KMT2A: variants seen among roughly 807,000 people sequenced by gnomAD.
The protein encoded by KMT2A is lysine methyltransferase 2A.
In KMT2A, 16 loss-of-function variants were observed where a neutral mutation model predicts 345.3. The ratio of observed to expected loss-of-function variants is 0.05; its 90% confidence interval spans 0.03 to 0.07. The LOEUF (loss-of-function observed/expected upper bound fraction) is 0.07, where lower values mean the gene tolerates loss of function less well. KMT2A is among the 10% of genes least tolerant of loss of function. KMT2A has a pLI of 1.00. For synonymous variants in KMT2A, 1,599 were observed against 1,778.6 expected (o/e 0.90, Z 2.54); for missense variants, 3,272 against 4,841.6 (o/e 0.68, Z 9.62).
chr11:118,513,008 G>A (rs1312992190), intron 31 of KMT2A, among the ~76,000 whole-genome samples: 1 of 152,040 alleles, frequency 6.6e-6, no homozygotes, highest in African/African-American at 2.4e-5. Flanking sequence ...GGTGACCAAG[G>A]CAGAAGGATC....
Position 118,472,012 on chromosome 11 carries a change from T to C in KMT2A, c.853T>C (p.Phe285Leu). ...TAAACTCTCTCCTCTCAAGTCTAAG[T>C]TTAAGACAGGGAAGCTTCAAATAGG... ...AGKLSPLKSK[F>L]KTGKLQIGRK... Residue 285 changes from phenylalanine to leucine, a missense_variant, in exon 3 of 36, where the codon TTT (phenylalanine) becomes CTT (leucine). This residue lies in a region of KMT2A where 412 missense variants were observed against 511.0 expected (regional missense o/e 0.81). Coordinates refer to ENST00000534358, the MANE Select transcript of KMT2A (RefSeq NM_001197104.2). The C allele has an allele frequency of 6.2e-7, 1 of 1,613,698 alleles. No individual in the cohort carries two copies.
At chr11:118,439,758 G>C (rs896800581) in intron 1 of KMT2A, among the ~76,000 whole-genome samples, 1 of 152,154 alleles carries the variant, frequency 6.6e-6, no homozygotes, top group Non-Finnish European at 1.5e-5. Context: ...AAGAGTGGTT[G>C]ACTCCTTACA....
intron 27 of KMT2A, 82 bp from the exon 28 acceptor site, chr11:118,507,447 C>A: frequency 8.4e-7 from 1 of 1,183,604 alleles, no homozygotes; most frequent in Non-Finnish European, 1.2e-6. Context: ...CCTGATAGAG[C>A]CATTTCTTTC....
At chr11:118,462,702 GC>G (rs1347946429) in intron 1 of KMT2A, among the ~76,000 whole-genome samples, 1 of 152,144 alleles carries the variant, frequency 6.6e-6, no homozygotes, top group Non-Finnish European at 1.5e-5. Flanking sequence ...GGGACTACAG[GC>G]GCCCGCCATC....
intron 1 of KMT2A, among the ~76,000 whole-genome samples, chr11:118,444,074 T>C (rs1344968549): frequency 1.3e-5 from 2 of 152,238 alleles, no homozygotes; most frequent in East Asian, 3.8e-4. Context: ...CTTTCTGTCT[T>C]GAATTAGGAG....
chr11:118,507,433 A>G, intron 27 of KMT2A, 96 bp from the exon 28 acceptor site: 1 of 1,056,788 alleles, frequency 9.5e-7, no homozygotes, highest in Non-Finnish European at 1.4e-6. Flanking sequence ...AGACTTTATC[A>G]GATCCTGATA....
At chr11:118,459,077 T>C (rs2134222737) in intron 1 of KMT2A, among the ~76,000 whole-genome samples, 1 of 152,344 alleles carries the variant, frequency 6.6e-6, no homozygotes, top group Middle Eastern at 3.4e-3. Context: ...AACTCTTTTT[T>C]TTCCCCCCTT....
chr11:118,441,577 T>C (rs1949314755), intron 1 of KMT2A, among the ~76,000 whole-genome samples: 2 of 152,308 alleles, frequency 1.3e-5, no homozygotes, highest in South Asian at 4.2e-4. Context: ...TATATTCCTG[T>C]AGGTGTATGA....
In KMT2A at chr11:118,504,727, C is replaced by A. The variant is rs782184805; in HGVS notation, c.8835C>A (p.Pro2945=). 16 of 1,614,148 alleles carry A rather than the reference C, an allele frequency of 9.9e-6. 2 individuals are homozygous for A. In the South Asian group the frequency reaches 1.6e-4, roughly 17 times the overall value. ...TGACCACCCGGAGTCCCACTGTCCC[C>A]AGCCAGAATCCCAGTAGACTAGCTG... The part of the protein sequence containing the change: ...SVLTTRSPTV[P]SQNPSRLAVI... The change falls in exon 27 of 36, where the codon CCC becomes CCA. Residue 2945 remains proline, a synonymous_variant. Transcript: ENST00000534358. The surrounding 1 kb of genome is among the most constrained non-coding windows in gnomAD (Gnocchi z 6.4).
At position 118,476,924 on chromosome 11, in the gene KMT2A, C is replaced by G; in HGVS notation, c.3276C>G (p.Thr1092=). Residue 1092 remains threonine (T), a synonymous_variant, in exon 4 of 36, where the codon ACC becomes ACG. Transcript: ENST00000534358. This position sits in a 1 kb window ranked among gnomAD's most constrained non-coding sequence, Gnocchi z 4.1. ...KRAVFPDDMP[T]LSALPWEERE... ...CTGTGTTTCCTGATGACATGCCCAC[C>G]CTGAGTGCCTTACCATGGGAAGAAC... is the stretch of plus-strand genomic sequence containing the variant. 6.2e-7 allele frequency: 1 copy of G among 1,614,156 alleles called. No individual in the cohort carries two copies. Among genetic ancestry groups the G allele is most frequent in the Non-Finnish European group, 8.5e-7 (1 of 1,180,010 alleles).
chr11:118,500,002 G>A, intron 24 of KMT2A, 89 bp downstream of exon 24: 1 of 820,542 alleles, frequency 1.2e-6, no homozygotes, highest in Non-Finnish European at 2.0e-6. Context: ...AGGCATACCT[G>A]TTAGCTACTT....
chr11:118,482,548 A>C, intron 8 of KMT2A, 53 bp downstream of exon 8: 1 of 1,331,120 alleles, frequency 7.5e-7, no homozygotes, highest in Non-Finnish European at 1.1e-6. Flanking sequence ...TCTATTTTGT[A>C]GGGAAAAGCC....
At position 118,476,061 on chromosome 11, in the gene KMT2A, A is replaced by C. The variant is rs1184337041; in HGVS notation, c.3157-744A>C. On this transcript the variant is annotated intron_variant, in intron 3 of 35. Coordinates refer to ENST00000534358, the MANE Select transcript of KMT2A (RefSeq NM_001197104.2). The surrounding 1 kb of genome is among the most constrained non-coding windows in gnomAD (Gnocchi z 4.1). ...GCTGGGATTACGGGCATGCACCACCACGCCCAGCTAATTTTGTATTTTTAG... is the reference window on the plus strand; with the variant it reads ...GCTGGGATTACGGGCATGCACCACCCCGCCCAGCTAATTTTGTATTTTTAG... Among the ~76,000 whole-genome samples, 1 of 151,950 alleles carries C rather than the reference A, an allele frequency of 6.6e-6. No individual in the cohort carries two copies. Among genetic ancestry groups the C allele is most frequent in the Non-Finnish European group, 1.5e-5 (1 of 67,992 alleles).
At position 118,522,298 on chromosome 11, in the gene KMT2A, C is replaced by A; in HGVS notation, c.*126C>A. 1 of 862,096 alleles carries A rather than the reference C, an allele frequency of 1.2e-6. No individual in the cohort carries two copies. The highest frequency in any genetic ancestry group is 1.8e-6 in the Non-Finnish European group (1 of 550,370). 53.4% of individuals were successfully genotyped at this position (862,096 alleles called of 1,614,324 possible). ...CACAGCTGAGGGGCCTCTGTGATGG[C>A]TGAGCTCTCTTATGTCCTATACTCA... On this transcript the variant is annotated 3_prime_UTR_variant, in exon 36 of 36. Coordinates refer to ENST00000534358, the MANE Select transcript of KMT2A (RefSeq NM_001197104.2). The surrounding 1 kb of genome is among the most constrained non-coding windows in gnomAD (Gnocchi z 5.4).
In KMT2A at chr11:118,502,705, G is replaced by A. The variant is rs2134386085; in HGVS notation, c.6813G>A (p.Arg2271=). The change falls in exon 27 of 36, where the codon AGG becomes AGA. Residue 2271 remains arginine, a synonymous_variant. Transcript: ENST00000534358. This position sits in a 1 kb window ranked among gnomAD's most constrained non-coding sequence, Gnocchi z 4.9. ...QNTSTSSNLQ[R]TVVTVGNKNS... ...CTTCCACCTCTTCAAATTTGCAAAG[G>A]ACAGTGGTTACTGTAGGCAATAAAA... 3 of 1,614,092 alleles carry A rather than the reference G, an allele frequency of 1.9e-6. No individual in the cohort carries two copies. Among genetic ancestry groups the A allele is most frequent in the Non-Finnish European group, 2.5e-6 (3 of 1,180,022 alleles).
rs149739040 is a variant in KMT2A at position 118,483,525 on chromosome 11, C to T, written c.4087-658C>T. Among the ~76,000 whole-genome samples the T allele has an allele frequency of 6.9e-3, 1,050 of 152,040 alleles. 15 individuals are homozygous for T. Among genetic ancestry groups the T allele is most frequent in the African/African-American group, 0.023 (964 of 41,486 alleles). Reference sequence around the variant, plus strand: ...TCCAGCTTGGGTGACACCGAGACTCCGTCTCAAAAAAAAATAAAAAGTTTA... The same window carrying T: ...TCCAGCTTGGGTGACACCGAGACTCTGTCTCAAAAAAAAATAAAAAGTTTA... On this transcript the variant is annotated intron_variant, in intron 8 of 35. Transcript: ENST00000534358.
intron 4 of KMT2A, 79 bp downstream of exon 4, chr11:118,477,061 C>T (rs993214746): frequency 9.4e-6 from 13 of 1,380,604 alleles, no homozygotes; most frequent in Admixed American, 8.8e-5. Flanking sequence ...GCCCAGTAGG[C>T]TCTTCATAGT....
Position 118,504,884 on chromosome 11 carries a change from A to T in KMT2A, c.8992A>T (p.Ile2998Phe). The T allele has an allele frequency of 6.2e-7, 1 of 1,614,196 alleles. No homozygotes were observed. Among genetic ancestry groups the T allele is most frequent in the Non-Finnish European group, 8.5e-7 (1 of 1,180,030 alleles). ...AGGCCACATGACTCCTGATCATTTT[A>T]TCCAAGGACACATGGATGCAGACCA... Reference protein sequence around the residue: ...PEGHMTPDHFIQGHMDADHIS... With the variant: ...PEGHMTPDHFFQGHMDADHIS... Residue 2998 changes from isoleucine to phenylalanine, a missense_variant, in exon 27 of 36, where the codon ATC (isoleucine) becomes TTC (phenylalanine). This residue lies in a region of KMT2A where 748 missense variants were observed against 922.2 expected (regional missense o/e 0.81). Transcript: ENST00000534358. The surrounding 1 kb of genome is among the most constrained non-coding windows in gnomAD (Gnocchi z 6.4).
chr11:118,519,838 T>G (rs1555052921), intron 32 of KMT2A, 46 bp downstream of exon 32: 3 of 1,595,050 alleles, frequency 1.9e-6, no homozygotes, highest in South Asian at 2.2e-5. Context: ...CTCGATTTTC[T>G]TATCTCATGA....
Sources: gnomAD v4.1 joint callset for allele counts (sites outside exome capture counted in the v4.1 genomes callset) on GRCh38, gnomAD v4.1.1 for gene constraint, gnomAD v4.1.1 regional missense constraint, Gnocchi (gnomAD v3.1) non-coding constraint, MANE v1.5 for transcripts, NCBI Gene and HGNC (gene_info 2026-07-23, HGNC 2026-07-21) for gene names.